PP2D1: variants seen among roughly 807,000 people sequenced by gnomAD.
PP2D1 encodes protein phosphatase 2C-like domain-containing protein 1.
Under a neutral mutation model 30.2 loss-of-function variants are expected in PP2D1, and 25 were observed. That is an observed-to-expected ratio of 0.83 (90% confidence interval 0.60 to 1.16). The LOEUF is 1.16. Among genes scored for constraint, PP2D1 ranks in the 50% most tolerant of loss-of-function variants. PP2D1 has a pLI of 0.00. For missense variants in PP2D1, 760 were observed against 742.4 expected (o/e 1.02, Z -0.28); for synonymous variants, 260 against 258.9 (o/e 1.00, Z -0.04).
At chr3:20,002,531 ATTG>A (rs1282346994) in intron 1 of PP2D1, among the ~76,000 whole-genome samples, 2 of 152,206 alleles carry the variant, frequency 1.3e-5, no homozygotes, top group African/African-American at 2.4e-5. Flanking sequence ...TAGTGACATC[ATTG>A]TTGTCTCAAT....
In PP2D1 at chr3:19,985,774, C is replaced by G. The variant is rs751156695; in HGVS notation, c.1499G>C (p.Ser500Thr). 9 of 1,535,900 alleles carry G rather than the reference C, an allele frequency of 5.9e-6. No individual in the cohort carries two copies. In the African/African-American group the frequency reaches 6.8e-5, roughly 12 times the overall value. Residue 500 changes from serine (S) to threonine (T), a missense_variant, in exon 3 of 3, where the codon AGT becomes ACT. Transcript: ENST00000389050. ...CTGTGATTTAGTAAGGTTTGGTTCA[C>G]TGGTTGAAAAAAGCAGAGGCCCTTT... ...PSKGPLLFST[S>T]EPNLTKSQSN...
chr3:19,993,890 C>T (rs959862215), intron 2 of PP2D1, among the ~76,000 whole-genome samples: 1 of 151,904 alleles, frequency 6.6e-6, no homozygotes, highest in Non-Finnish European at 1.5e-5. Flanking sequence ...AGGTGCCCAC[C>T]CCCGGCTAAT....
chr3:20,010,581 C>A (rs577639764), intron 1 of PP2D1, among the ~76,000 whole-genome samples: 29 of 151,944 alleles, frequency 1.9e-4, no homozygotes, highest in Middle Eastern at 3.4e-3. Flanking sequence ...GCAGGCGGAT[C>A]ACCTGAGGTC....
At chr3:19,989,635 C>T (rs1408624300) in intron 2 of PP2D1, among the ~76,000 whole-genome samples, 1 of 152,108 alleles carries the variant, frequency 6.6e-6, no homozygotes, top group African/African-American at 2.4e-5. Context: ...ATCAGCAAGA[C>T]AACATGAAGT....
chr3:19,985,281 T>G (rs909733340), downstream of PP2D1: 87 of 823,080 alleles, frequency 1.1e-4, 1 homozygote, highest in African/African-American at 1.3e-3. Context: ...ACTATGTTCA[T>G]AAAATTATTT....
At chr3:20,011,723 C>A (rs1052730861) in intron 1 of PP2D1, among the ~76,000 whole-genome samples, 1 of 151,810 alleles carries the variant, frequency 6.6e-6, no homozygotes, top group Non-Finnish European at 1.5e-5. Context: ...CACTTGAACC[C>A]GGGAAGCGGA....
chr3:19,987,136 A>T lies in PP2D1; in HGVS notation c.1091-954T>A, dbSNP rs1697049791. Among the ~76,000 whole-genome samples, 3 of 152,014 alleles carry T rather than the reference A, an allele frequency of 2.0e-5. No homozygotes were observed. The South Asian group carries it at 6.2e-4, about 32-fold the overall frequency. ...ATTAAACCCTTTGGTTGGAAACTGAAATCTTAAAAGTTGATTGTAGTTTGT... is the reference window on the plus strand; with the variant it reads ...ATTAAACCCTTTGGTTGGAAACTGATATCTTAAAAGTTGATTGTAGTTTGT... On this transcript the variant is annotated intron_variant, in intron 2 of 2. Transcript: ENST00000389050.
At chr3:19,986,310 G>T in intron 2 of PP2D1, 128 bp from the exon 3 acceptor site, 2 of 641,974 alleles carry the variant, frequency 3.1e-6, no homozygotes, top group Non-Finnish European at 5.1e-6. Flanking sequence ...GTAAAAGTAC[G>T]TTTAAATATG....
downstream of PP2D1, chr3:19,984,433 G>A (rs45542931): frequency 0.16 from 31,634 of 192,690 alleles, 3,564 homozygotes; most frequent in Non-Finnish European, 0.22. Flanking sequence ...TTTTAAATGG[G>A]GTAAAAATCA....
chr3:19,987,598 C>T (rs374361765), intron 2 of PP2D1, among the ~76,000 whole-genome samples: 203 of 152,122 alleles, frequency 1.3e-3, no homozygotes, highest in African/African-American at 4.4e-3. Flanking sequence ...CAGTTTTTTA[C>T]GTATTTAGGC....
In PP2D1 at chr3:19,985,848, GTGA is replaced by G; in HGVS notation, c.1422_1424del (p.His475del). On this transcript the variant is annotated inframe_deletion, in exon 3 of 3. Transcript: ENST00000389050. ...TAGGACAGTATGTTTCTTTATACAT[GTGA>G]AATGTTGTCATTGCCAGGGCAGTAA... The G allele has an allele frequency of 1.3e-6, 2 of 1,536,252 alleles. No homozygotes were observed. Among genetic ancestry groups the G allele is most frequent in the Non-Finnish European group, 1.7e-6 (2 of 1,146,876 alleles).
rs771178876 is a variant in PP2D1, at chr3:19,986,052, G to A, written c.1221C>T (p.Tyr407=). Residue 407 remains tyrosine (Y), a synonymous_variant, in exon 3 of 3, where the codon TAC becomes TAT. Coordinates refer to ENST00000389050, the MANE Select transcript of PP2D1 (RefSeq NM_001252657.2). ...TTTTTACTTGCCCCTCTACAAGCCC[G>A]TATGGTTCATTTGAACTAATGACTG... is the stretch of plus-strand genomic sequence containing the variant. ...NGAVISSNEP[Y]GLVEGQVKTT... The A allele has an allele frequency of 2.3e-4, 346 of 1,535,894 alleles. No individual in the cohort carries two copies. The highest frequency in any genetic ancestry group is 2.7e-4 in the Non-Finnish European group (314 of 1,146,842).
Position 19,985,626 on chromosome 3 carries a change from A to G in PP2D1, c.1647T>C (p.Asn549=). 1.3e-6 allele frequency: 2 copies of G among 1,536,050 alleles called. No homozygotes were observed. The highest frequency in any genetic ancestry group is 1.2e-5 in the South Asian group (1 of 84,062). Residue 549 remains asparagine (N), a synonymous_variant, in exon 3 of 3, where the codon AAT becomes AAC. Coordinates refer to ENST00000389050, the MANE Select transcript of PP2D1 (RefSeq NM_001252657.2). ...TCGTTTCTGCTGGAAATGTTTCTAC[A>G]TTCTCAGGGTTATAAATACAGTATT... ...YSKYCIYNPE[N]VETFPAETTH...
intron 1 of PP2D1, among the ~76,000 whole-genome samples, chr3:20,006,499 CT>C: frequency 6.6e-6 from 1 of 152,248 alleles, no homozygotes; most frequent in African/African-American, 2.4e-5. Flanking sequence ...GTATTTGCAT[CT>C]TCCTTGTATG....
intron 2 of PP2D1, among the ~76,000 whole-genome samples, chr3:19,987,338 A>AATATAATTACGTATTTTTTAAATTAC (rs1697052338): frequency 2.0e-5 from 3 of 152,160 alleles, no homozygotes; most frequent in Non-Finnish European, 4.4e-5. Flanking sequence ...AGTTTTTAGG[A>AATATAATTACGTATTTTTTAAATTAC]ATATAATTAC....
intron 1 of PP2D1, among the ~76,000 whole-genome samples, chr3:20,006,108 C>G (rs918214726): frequency 6.6e-6 from 1 of 151,560 alleles, no homozygotes; most frequent in Non-Finnish European, 1.5e-5. Context: ...ATTAGATGGG[C>G]GTGATGGCAC....
chr3:19,982,984 C>G (rs1696960500), downstream of PP2D1, among the ~76,000 whole-genome samples: 1 of 152,062 alleles, frequency 6.6e-6, no homozygotes, highest in Admixed American at 6.5e-5. Flanking sequence ...ATGAGCTGAG[C>G]TTCTTTATAA....
Position 19,985,783 on chromosome 3 carries a change from A to G in PP2D1, c.1490T>C (p.Phe497Ser), listed in dbSNP as rs1174445750. The part of the protein sequence containing the change: ...NKSPSKGPLL[F>S]STSEPNLTKS... The stretch of plus-strand genomic sequence containing the variant: ...AGTAAGGTTTGGTTCACTGGTTGAA[A>G]AAAGCAGAGGCCCTTTGGATGGTGA... The change falls in exon 3 of 3, where the codon TTT (phenylalanine) becomes TCT (serine). Residue 497 changes from phenylalanine to serine, a missense_variant. This residue lies in a region of PP2D1 where 369 missense variants were observed against 316.2 expected (regional missense o/e 1.17). Transcript: ENST00000389050. 6.5e-7 allele frequency: 1 copy of G among 1,535,990 alleles called. No homozygotes were observed. Among genetic ancestry groups the G allele is most frequent in the East Asian group, 2.4e-5 (1 of 40,918 alleles).
intron 1 of PP2D1, chr3:20,007,910 C>A: frequency 9.0e-6 from 2 of 222,668 alleles, no homozygotes; most frequent in South Asian, 1.6e-4. Context: ...CTGCAGGGGT[C>A]ATGGAATCAC....
Sources: allele counts gnomAD v4.1 joint callset (sites outside exome capture counted in the v4.1 genomes callset), GRCh38; gene constraint gnomAD v4.1.1; regional missense constraint gnomAD v4.1.1; transcripts MANE v1.5; gene names NCBI Gene and HGNC (gene_info 2026-07-23, HGNC 2026-07-21).